Variants in FHL5 observed in about 807,000 individuals in gnomAD.
FHL5 encodes four and a half LIM domains 5.
A neutral mutation model predicts 32.0 loss-of-function variants in FHL5; 33 were observed. The ratio of observed to expected loss-of-function variants is 1.03; its 90% CI spans 0.78 to 1.38. The LOEUF (loss-of-function observed/expected upper bound fraction) is 1.38. Among genes scored for constraint, FHL5 ranks in the 40% most tolerant of loss-of-function variants. The probability of loss-of-function intolerance (pLI) is 0.00; values close to 1 mark genes in which losing one functional copy is unlikely to be tolerated. For synonymous variants in FHL5, 114 were observed against 113.6 expected (o/e 1.00, Z -0.02); for missense variants, 336 against 343.9 (o/e 0.98, Z 0.18).
At chr6:96,565,237 G>A (rs1266817957) in intron 1 of FHL5, among the ~76,000 whole-genome samples, 2 of 152,000 alleles carry the variant, frequency 1.3e-5, no homozygotes, top group Non-Finnish European at 2.9e-5. Flanking sequence ...AACATACTAG[G>A]ATATGTCAAC....
intron 1 of FHL5, among the ~76,000 whole-genome samples, chr6:96,576,127 C>T (rs1770579803): frequency 6.6e-6 from 1 of 152,156 alleles, no homozygotes; most frequent in South Asian, 2.1e-4. Flanking sequence ...ACCTTTTATT[C>T]AACCTTCAAG....
At chr6:96,594,317 C>G (rs1770991969) in intron 1 of FHL5, among the ~76,000 whole-genome samples, 1 of 125,092 alleles carries the variant, frequency 8.0e-6, no homozygotes, top group Non-Finnish European at 1.6e-5. Flanking sequence ...TAATTTTTTG[C>G]CTGCCAAACA....
intron 1 of FHL5, among the ~76,000 whole-genome samples, chr6:96,599,245 G>C (rs1020343322): frequency 7.5e-6 from 1 of 132,882 alleles, no homozygotes; most frequent in African/African-American, 2.9e-5. Context: ...CCCCAGACTA[G>C]AGTGCAATGG....
chr6:96,569,708 A>T (rs1198059858), intron 1 of FHL5, among the ~76,000 whole-genome samples: 1 of 151,594 alleles, frequency 6.6e-6, no homozygotes, highest in African/African-American at 2.4e-5. Flanking sequence ...ATATAAGTAT[A>T]GCTATTCTCC....
At chr6:96,606,767 G>T (rs966654735) in intron 4 of FHL5, among the ~76,000 whole-genome samples, 1 of 152,212 alleles carries the variant, frequency 6.6e-6, no homozygotes, top group Non-Finnish European at 1.5e-5. Context: ...AACTGTTTCA[G>T]AGAAATATGG....
At chr6:96,602,359 T>C (rs1771165850) in intron 1 of FHL5, among the ~76,000 whole-genome samples, 1 of 151,646 alleles carries the variant, frequency 6.6e-6, no homozygotes, top group African/African-American at 2.4e-5. Context: ...TGCTAATTTT[T>C]TTTTGTAACA....
Position 96,618,073 on chromosome 6 carries a change from C to T in FHL5, c.*2301C>T, listed in dbSNP as rs932207354. Among the ~76,000 whole-genome samples the T allele has an allele frequency of 1.3e-5, 2 of 152,140 alleles. No homozygotes were observed. The highest frequency in any genetic ancestry group is 4.8e-5 in the African/African-American group (2 of 41,426). On this transcript the variant is annotated 3_prime_UTR_variant, in exon 6 of 6. Coordinates refer to ENST00000450218, the MANE Select transcript of FHL5 (RefSeq NM_001322466.2). Reference sequence around the variant, plus strand: ...ATCCTTGCCTGCAGGTTAAACAAAGCACCACATATGTAGACATAGCACACA... The same window carrying T: ...ATCCTTGCCTGCAGGTTAAACAAAGTACCACATATGTAGACATAGCACACA...
intron 2 of FHL5, among the ~76,000 whole-genome samples, chr6:96,604,279 T>A (rs1411947129): frequency 6.6e-6 from 1 of 151,728 alleles, no homozygotes; most frequent in Non-Finnish European, 1.5e-5. Context: ...TTTTCTTCCT[T>A]CCATCCTCCG....
At chr6:96,574,179 C>A (rs532702009) in intron 1 of FHL5, among the ~76,000 whole-genome samples, 113 of 152,192 alleles carry the variant, frequency 7.4e-4, no homozygotes, top group African/African-American at 2.7e-3. Context: ...ATTTTTAAAA[C>A]CATTTAGTAA....
At chr6:96,584,443 GTGTGTGTGTGTGTGTGTT>G (rs1331319531) in intron 1 of FHL5, among the ~76,000 whole-genome samples, 1 of 147,286 alleles carries the variant, frequency 6.8e-6, no homozygotes, top group Non-Finnish European at 1.5e-5. Context: ...ATATGTGTGT[GTGTGTGTGTGTGTGTGTT>G]TGTGTGTGTG....
At chr6:96,570,595 A>G (rs184357381) in intron 1 of FHL5, among the ~76,000 whole-genome samples, 3 of 152,124 alleles carry the variant, frequency 2.0e-5, no homozygotes, top group African/African-American at 7.2e-5. Flanking sequence ...CTTTTTCCTT[A>G]TCTTCTCCTT....
intron 1 of FHL5, among the ~76,000 whole-genome samples, chr6:96,572,256 T>C (rs1770494870): frequency 6.6e-6 from 1 of 152,170 alleles, no homozygotes; most frequent in Non-Finnish European, 1.5e-5. Flanking sequence ...ATGACTGCTC[T>C]GGATGGCCAA....
chr6:96,600,612 T>C (rs73492766), intron 1 of FHL5, among the ~76,000 whole-genome samples: 6 of 152,334 alleles, frequency 3.9e-5, no homozygotes, highest in African/African-American at 1.4e-4. Flanking sequence ...GAATTCTATA[T>C]GGTTCTAATA....
At chr6:96,572,052 T>C (rs1486365556) in intron 1 of FHL5, among the ~76,000 whole-genome samples, 1 of 152,126 alleles carries the variant, frequency 6.6e-6, no homozygotes, top group Non-Finnish European at 1.5e-5. Context: ...TGCTGGGGAA[T>C]CGAAGTCTAA....
At chr6:96,592,330 C>A (rs891559815) in intron 1 of FHL5, among the ~76,000 whole-genome samples, 2 of 152,180 alleles carry the variant, frequency 1.3e-5, no homozygotes, top group Admixed American at 6.5e-5. Flanking sequence ...TGATACTTCT[C>A]CCATTTGCTT....
At chr6:96,570,882 T>C (rs1770461997) in intron 1 of FHL5, among the ~76,000 whole-genome samples, 1 of 152,110 alleles carries the variant, frequency 6.6e-6, no homozygotes, top group African/African-American at 2.4e-5. Context: ...GAATTTTTCA[T>C]TTATATTGTG....
At chr6:96,565,714 GTGGAGTGGAGAAATATGCTTCT>G (rs1770341750) in intron 1 of FHL5, among the ~76,000 whole-genome samples, 4 of 152,080 alleles carry the variant, frequency 2.6e-5, no homozygotes, top group Admixed American at 2.6e-4. Context: ...TGGTGTGGAA[GTGGAGTGGAGAAATATGCTTCT>G]TGGGCTTGTT....
chr6:96,607,030 CA>C (rs58549009), intron 4 of FHL5, among the ~76,000 whole-genome samples: 1 of 150,848 alleles, frequency 6.6e-6, no homozygotes, highest in African/African-American at 2.4e-5. Context: ...GCTTCCCACT[CA>C]AAAAAAACAT....
rs1253301208 is a variant in FHL5, at chr6:96,602,469, C to T, written c.-12-1133C>T. On this transcript the variant is annotated intron_variant, in intron 1 of 5. Transcript: ENST00000450218. ...TTTTTTTTTTTTTTTTTTTTTGAGACGGAGTCTGGCTCTGTCGCCCAGGCT... is the reference window on the plus strand; with the variant it reads ...TTTTTTTTTTTTTTTTTTTTTGAGATGGAGTCTGGCTCTGTCGCCCAGGCT... Among the ~76,000 whole-genome samples, 12 of 66,244 alleles carry T rather than the reference C, an allele frequency of 1.8e-4. 1 individual carries two copies. Among genetic ancestry groups the T allele is most frequent in the Admixed American group, 1.5e-3 (6 of 3,874 alleles). 43.5% of individuals were successfully genotyped at this position (66,244 alleles called of 152,430 possible). A position where few individuals can be genotyped will look rare whatever the true frequency, so the allele number is the denominator to read the frequency against.
Sources: allele counts gnomAD v4.1 joint callset (sites outside exome capture counted in the v4.1 genomes callset), GRCh38; gene constraint gnomAD v4.1.1; transcripts MANE v1.5; gene names NCBI Gene and HGNC (gene_info 2026-07-23, HGNC 2026-07-21).